STAG2: variants seen among roughly 807,000 people sequenced by gnomAD.
The protein encoded by STAG2 is STAG2 cohesin complex component, also known as cohesin subunit SA-2.
Under a neutral mutation model 108.1 loss-of-function variants are expected in STAG2, and 14 were observed. That is an observed-to-expected ratio of 0.13 (90% confidence interval 0.09 to 0.20). The LOEUF is 0.20. Among genes scored for constraint, STAG2 ranks in the 10% least tolerant of loss-of-function variants. The probability of loss-of-function intolerance (pLI) is 1.00; values close to 1 mark genes in which losing one functional copy is unlikely to be tolerated. For synonymous variants in STAG2, 307 were observed against 302.7 expected, an observed-to-expected ratio of 1.01 and a Z score of -0.15; for missense variants, 440 against 940.9, an observed-to-expected ratio of 0.47 and a Z score of 6.96.
rs548287426 is a variant in STAG2 at position 124,094,521 on chromosome X, T to C, written c.3705+377T>C. Among the ~76,000 whole-genome samples the C allele has an allele frequency of 2.1e-4, 24 of 112,387 alleles. 1 individual carries two copies. In the South Asian group the frequency reaches 8.0e-3, roughly 38 times the overall value. On this transcript the variant is annotated intron_variant, in intron 33 of 34. Coordinates refer to ENST00000371145, the MANE Select transcript of STAG2 (RefSeq NM_001042750.2). ...ATCAAAACAATATATTAATACTACT[T>C]GTTGAGACAAATTCCGTATCAGATA...
intron 25 of STAG2, among the ~76,000 whole-genome samples, chrX:124,074,744 A>G (rs1404890164): frequency 8.9e-6 from 1 of 112,007 alleles, no homozygotes; most frequent in Non-Finnish European, 1.9e-5. Flanking sequence ...GTACTTCTCT[A>G]CATTCCTTAA....
At chrX:124,062,333 G>A (rs1013709928) in intron 17 of STAG2, among the ~76,000 whole-genome samples, 9 of 112,091 alleles carry the variant, frequency 8.0e-5, no homozygotes, top group African/African-American at 2.9e-4. Flanking sequence ...ACTTTTGACT[G>A]TAAAGCATAA....
At position 124,030,948 on chromosome X, in the gene STAG2, A is replaced by T. The variant is rs755194063; in HGVS notation, c.124-13A>T. 1 of 1,183,375 alleles carries T rather than the reference A, an allele frequency of 8.5e-7. No homozygotes were observed. The highest frequency in any genetic ancestry group is 1.9e-5 in the South Asian group (1 of 51,770). ...TAGTGATATAACTTAACCACCTCGT[A>T]TTTTTTATGCAGACTTGTAAAAAAG... On this transcript the variant is annotated splice_polypyrimidine_tract_variant and intron_variant, in intron 4 of 34. Transcript: ENST00000371145.
chrX:123,968,045 T>C (rs755948084), intron 1 of STAG2, among the ~76,000 whole-genome samples: 2 of 110,105 alleles, frequency 1.8e-5, no homozygotes, highest in South Asian at 7.7e-4. Context: ...GGATTACAGA[T>C]GCATGCCACC....
chrX:124,000,415 A>G (rs1401750329), intron 1 of STAG2, among the ~76,000 whole-genome samples: 2 of 111,447 alleles, frequency 1.8e-5, no homozygotes, highest in Admixed American at 1.9e-4. Context: ...GATGCCTGTA[A>G]TCCCAACACT....
rs754708181 is a variant in STAG2 at position 124,061,829 on chromosome X, A to C, written c.1593A>C (p.Gln531His). 2.5e-6 allele frequency: 3 copies of C among 1,201,329 alleles called. No homozygotes were observed. Among genetic ancestry groups the C allele is most frequent in the Non-Finnish European group, 3.4e-6 (3 of 891,210 alleles). ...AAATAATGCTTTGTACCATTAGACA[A>C]GCGGCTGAATGTCATCCTCCCGTGG... is the stretch of plus-strand genomic sequence containing the variant. ...LIEIMLCTIR[Q>H]AAECHPPVGR... Residue 531 changes from glutamine to histidine, a missense_variant, in exon 17 of 35, where the codon CAA (glutamine) becomes CAC (histidine). By Grantham distance (24) the Gln-to-His change is conservative. Coordinates refer to ENST00000371145, the MANE Select transcript of STAG2 (RefSeq NM_001042750.2).
Position 124,090,472 on chromosome X carries a change from G to C in STAG2, c.3278-103G>C, listed in dbSNP as rs762678666. 7.3e-6 allele frequency: 5 copies of C among 680,910 alleles called. No individual in the cohort carries two copies. In the East Asian group the frequency reaches 1.6e-4, roughly 22 times the overall value. 56.1% of individuals were successfully genotyped at this position (680,910 alleles called of 1,213,427 possible). The stretch of plus-strand genomic sequence containing the variant: ...TTTGTGTCCCCCGTTCCTGTGACTT[G>C]CATGTGGAAATCAACAGATGTTTAT... On this transcript the variant is annotated intron_variant, in intron 30 of 34. Transcript: ENST00000371145.
Position 124,051,138 on chromosome X carries a change from C to G in STAG2, c.1035C>G (p.Leu345=), listed in dbSNP as rs1193236172. The change falls in exon 12 of 35, where the codon CTC becomes CTG. Residue 345 remains leucine (L), a synonymous_variant. Coordinates refer to ENST00000371145, the MANE Select transcript of STAG2 (RefSeq NM_001042750.2). Reference sequence around the variant, plus strand: ...TTTTTTAGCAAGGTGAAGTAAGACTCAAATGTCTTACTGCTCTACAAGGGC... The same window carrying G: ...TTTTTTAGCAAGGTGAAGTAAGACTGAAATGTCTTACTGCTCTACAAGGGC... ...TMHDKQGEVR[L]KCLTALQGLY... 2.9e-5 allele frequency: 23 copies of G among 783,806 alleles called. No homozygotes were observed. Among genetic ancestry groups the G allele is most frequent in the Non-Finnish European group, 3.9e-5 (22 of 566,760 alleles). 64.6% of individuals were successfully genotyped at this position (783,806 alleles called of 1,213,427 possible).
At chrX:124,002,816 T>C (rs867880814) in intron 1 of STAG2, among the ~76,000 whole-genome samples, 3 of 105,784 alleles carry the variant, frequency 2.8e-5, no homozygotes, top group Non-Finnish European at 5.8e-5. Flanking sequence ...TTCTTTCTTT[T>C]TTTTTTTTTT....
chrX:124,096,448 C>A (rs2059381333), intron 34 of STAG2, among the ~76,000 whole-genome samples: 1 of 111,306 alleles, frequency 9.0e-6, no homozygotes, highest in African/African-American at 3.3e-5. Flanking sequence ...CTGACATTAC[C>A]TGTGGAATTT....
chrX:124,057,890 G>A lies in STAG2; in HGVS notation c.1329G>A (p.Glu443=). Reference sequence around the variant, plus strand: ...GGCTCTTCAGTCGTAGAGATCCAGAGGAGGATGGAATGATGAAAAGAAGAG... The same window carrying A: ...GGCTCTTCAGTCGTAGAGATCCAGAAGAGGATGGAATGATGAAAAGAAGAG... ...YKKLFSRRDP[E]EDGMMKRRGR... is the part of the protein sequence containing the mutation. The change falls in exon 15 of 35, where the codon GAG becomes GAA. Residue 443 remains glutamate, a synonymous_variant. Transcript: ENST00000371145. The A allele has an allele frequency of 8.4e-7, 1 of 1,186,081 alleles. No homozygotes were observed. Among genetic ancestry groups the A allele is most frequent in the East Asian group, 3.1e-5 (1 of 32,439 alleles).
intron 20 of STAG2, among the ~76,000 whole-genome samples, chrX:124,064,443 TG>T (rs1326275639): frequency 9.3e-6 from 1 of 107,695 alleles, no homozygotes. Context: ...AAGGACATTA[TG>T]TTTTTTTTTT....
intron 1 of STAG2, among the ~76,000 whole-genome samples, chrX:123,970,182 C>T (rs1314625993): frequency 1.8e-5 from 2 of 109,503 alleles, no homozygotes; most frequent in South Asian, 3.9e-4. Context: ...GAACAGCAGT[C>T]TTATACTCAG....
At chrX:124,094,843 G>A (rs918589130) in intron 33 of STAG2, among the ~76,000 whole-genome samples, 1 of 111,648 alleles carries the variant, frequency 9.0e-6, no homozygotes. Context: ...TTTTAGAATG[G>A]TATAATTTGG....
chrX:124,081,560 A>AT, intron 28 of STAG2, 32 bp downstream of exon 28: 1 of 1,092,687 alleles, frequency 9.2e-7, no homozygotes, highest in Non-Finnish European at 1.2e-6. Context: ...CAGCTCTCAT[A>AT]TTTTTTAGTC....
At chrX:123,998,784 T>C in intron 1 of STAG2, among the ~76,000 whole-genome samples, 1 of 111,705 alleles carries the variant, frequency 9.0e-6, no homozygotes, top group Non-Finnish European at 1.9e-5. Flanking sequence ...AAAAGTTGTA[T>C]ATGTACATTG....
chrX:123,989,466 T>C (rs768155596), intron 1 of STAG2, among the ~76,000 whole-genome samples: 2 of 111,678 alleles, frequency 1.8e-5, no homozygotes, highest in East Asian at 5.5e-4. Context: ...AGCATATACA[T>C]TGTATTTATA....
rs749422130 is a variant in STAG2 at position 124,063,713 on chromosome X, A to C, written c.1822-135A>C. ...TGTATTTATTTATCATGATTAGAAA[A>C]GCACCTTAAAATGTACGCTCTGTGT... On this transcript the variant is annotated intron_variant, in intron 19 of 34. Transcript: ENST00000371145. 120 of 474,348 alleles carry C rather than the reference A, an allele frequency of 2.5e-4. No homozygotes were observed. The African/African-American group carries it at 2.6e-3, about 10-fold the overall frequency. 39.1% of individuals were successfully genotyped at this position (474,348 alleles called of 1,213,427 possible).
At chrX:124,009,438 G>GATA (rs1569501986) in intron 1 of STAG2, among the ~76,000 whole-genome samples, 4,690 of 82,638 alleles carry the variant, frequency 0.057, 142 homozygotes, top group Middle Eastern at 0.065. Flanking sequence ...TAGGTAGGTA[G>GATA]GTAGGTAGAT....
Sources: gnomAD v4.1 joint callset for allele counts (sites outside exome capture counted in the v4.1 genomes callset) on GRCh38, gnomAD v4.1.1 for gene constraint, MANE v1.5 for transcripts, NCBI Gene and HGNC (gene_info 2026-07-23, HGNC 2026-07-21) for gene names.